The following OR6C75 variants were observed in gnomAD, a reference collection of about 807,000 sequenced individuals.
The protein encoded by OR6C75 is olfactory receptor family 6 subfamily C member 75.
For synonymous variants in OR6C75, 149 were observed against 130.6 expected (o/e 1.14, Z -0.96); for missense variants, 380 against 368.0 (o/e 1.03, Z -0.27).
Position 55,366,040 on chromosome 12 carries a change from A to C in OR6C75, c.930A>C (p.Leu310Phe). ...TGGTCCAGAAGATGATTTTTTCTTT[A>C]AATAAATGAATGTGATTATGTAAAA... is the stretch of plus-strand genomic sequence containing the variant. ...KSMVQKMIFS[L>F]NK The change falls in exon 3 of 3, where the codon TTA becomes TTC. Residue 310 changes from leucine to phenylalanine, a missense_variant. Transcript: ENST00000641576. 6.4e-7 allele frequency: 1 copy of C among 1,555,874 alleles called. No homozygotes were observed. Among genetic ancestry groups the C allele is most frequent in the Non-Finnish European group, 8.7e-7 (1 of 1,153,064 alleles).
Position 55,365,773 on chromosome 12 carries a change from G to A in OR6C75, c.663G>A (p.Arg221=). ...LVILSYTNII[R]TILKIPSMSQ... The stretch of plus-strand genomic sequence containing the variant: ...TTCTCTCCTACACAAACATCATCCG[G>A]ACAATTCTGAAAATTCCTTCTATGA... Residue 221 remains arginine, a synonymous_variant, in exon 3 of 3, where the codon CGG becomes CGA. Transcript: ENST00000641576. 6.2e-7 allele frequency: 1 copy of A among 1,613,834 alleles called. No homozygotes were observed. The highest frequency in any genetic ancestry group is 8.5e-7 in the Non-Finnish European group (1 of 1,179,966).
In OR6C75 at chr12:55,365,004, G is replaced by A. The variant is rs1424276622; in HGVS notation, c.-107G>A. 8 of 736,956 alleles carry A rather than the reference G, an allele frequency of 1.1e-5. No individual in the cohort carries two copies. The highest frequency in any genetic ancestry group is 3.9e-4 in the Middle Eastern group (1 of 2,540). The allele number at this position is 736,956 out of a possible 1,614,324, so 45.7% of individuals were successfully genotyped here. A position where few individuals can be genotyped will look rare whatever the true frequency, so the allele number is the denominator to read the frequency against. ...GAAGGCATTATGGTAAATGGAAAGA[G>A]CCAGACAGAAAAAAAATAATAATTT... is the stretch of plus-strand genomic sequence containing the variant. On this transcript the variant is annotated 5_prime_UTR_variant, in exon 3 of 3. Coordinates refer to ENST00000641576, the MANE Select transcript of OR6C75 (RefSeq NM_001005497.2).
At position 55,363,894 on chromosome 12, in the gene OR6C75, A is replaced by G. The variant is rs1019861139; in HGVS notation, c.-236+12A>G. On this transcript the variant is annotated intron_variant, in intron 2 of 2. Transcript: ENST00000641576. ...AATTGATTTATAAGGTAACAACAGA[A>G]TTTTTAAAATGTATTTGGTATCTAT... The G allele has an allele frequency of 1.2e-4, 19 of 152,026 alleles. No homozygotes were observed. The highest frequency in any genetic ancestry group is 4.6e-4 in the African/African-American group (19 of 41,408). 9.4% of individuals were successfully genotyped at this position (152,026 alleles called of 1,614,324 possible).
rs150672412 is a variant in OR6C75, at chr12:55,364,749, T to G, written c.-235-127T>G. The G allele has an allele frequency of 2.4e-3, 447 of 182,892 alleles. 1 individual carries two copies. The highest frequency in any genetic ancestry group is 0.021 in the Middle Eastern group (8 of 384). 11.3% of individuals were successfully genotyped at this position (182,892 alleles called of 1,614,324 possible). ...CTATCCATCACATCCCATAGTTACCTTCTTATATAATACATTACTAACTGT... is the reference window on the plus strand; with the variant it reads ...CTATCCATCACATCCCATAGTTACCGTCTTATATAATACATTACTAACTGT... On this transcript the variant is annotated intron_variant, in intron 2 of 2. Coordinates refer to ENST00000641576, the MANE Select transcript of OR6C75 (RefSeq NM_001005497.2).
chr12:55,368,018 A>T lies in OR6C75; in HGVS notation c.*1969A>T, dbSNP rs559244903. Reference sequence around the variant, plus strand: ...TAGTGAGACTCTGTCTACACAAAAAAATTTAAAAATTAGCTAAGCATGGTA... The same window carrying T: ...TAGTGAGACTCTGTCTACACAAAAATATTTAAAAATTAGCTAAGCATGGTA... On this transcript the variant is annotated 3_prime_UTR_variant, in exon 3 of 3. Coordinates refer to ENST00000641576, the MANE Select transcript of OR6C75 (RefSeq NM_001005497.2). The T allele has an allele frequency of 2.0e-5, 3 of 152,070 alleles. No homozygotes were observed. The highest frequency in any genetic ancestry group is 7.2e-5 in the African/African-American group (3 of 41,490). 9.4% of individuals were successfully genotyped at this position (152,070 alleles called of 1,614,324 possible). A position where few individuals can be genotyped will look rare whatever the true frequency, so the allele number is the denominator to read the frequency against.
At position 55,368,441 on chromosome 12, in the gene OR6C75, A is replaced by C. The variant is rs2120552796; in HGVS notation, c.*2392A>C. The C allele has an allele frequency of 6.6e-6, 1 of 152,298 alleles. No individual in the cohort carries two copies. Among genetic ancestry groups the C allele is most frequent in the South Asian group, 2.1e-4 (1 of 4,810 alleles). 9.4% of individuals were successfully genotyped at this position (152,298 alleles called of 1,614,324 possible). On this transcript the variant is annotated 3_prime_UTR_variant, in exon 3 of 3. Transcript: ENST00000641576. ...GGTGAAACCCCAATCTCTACAAAAA[A>C]TACAAAAATTAGCTGGTCACGCTGG...
rs1420343726 is a variant in OR6C75 at position 55,368,648 on chromosome 12, A to T, written c.*2599A>T. ...GTTATTTTAAAATTTCTAAAACAAG[A>T]AAAGAAAATTGGCTGTCTTGGGACA... On this transcript the variant is annotated 3_prime_UTR_variant, in exon 3 of 3. Transcript: ENST00000641576. The T allele has an allele frequency of 2.0e-5, 3 of 152,184 alleles. No individual in the cohort carries two copies. Among genetic ancestry groups the T allele is most frequent in the Non-Finnish European group, 4.4e-5 (3 of 68,032 alleles). 9.4% of individuals were successfully genotyped at this position (152,184 alleles called of 1,614,324 possible). A position where few individuals can be genotyped will look rare whatever the true frequency, so the allele number is the denominator to read the frequency against.
At position 55,367,596 on chromosome 12, in the gene OR6C75, A is replaced by G. The variant is rs1467019871; in HGVS notation, c.*1547A>G. ...TTCTTCCTGAGAACTGGAACAAGAC[A>G]AGGATGTCCCCTCTCAGCACTCCTA... is the stretch of plus-strand genomic sequence containing the variant. On this transcript the variant is annotated 3_prime_UTR_variant, in exon 3 of 3. Transcript: ENST00000641576. The G allele has an allele frequency of 6.6e-6, 1 of 152,208 alleles. No homozygotes were observed. The highest frequency in any genetic ancestry group is 1.5e-5 in the Non-Finnish European group (1 of 68,042). 9.4% of individuals were successfully genotyped at this position (152,208 alleles called of 1,614,324 possible).
intron 1 of OR6C75, among the ~76,000 whole-genome samples, 194 bp downstream of exon 1, chr12:55,363,243 AC>A (rs1436612699): frequency 2.6e-5 from 4 of 152,168 alleles, no homozygotes; most frequent in African/African-American, 9.6e-5. Context: ...GAAAAATCCA[AC>A]AGCATTTATG....
chr12:55,364,162 G>T (rs1044687040), intron 2 of OR6C75, among the ~76,000 whole-genome samples: 1 of 150,840 alleles, frequency 6.6e-6, no homozygotes, highest in African/African-American at 2.4e-5. Context: ...TGTATTTTTA[G>T]TAGAGACGGG....
Position 55,367,953 on chromosome 12 carries a change from A to T in OR6C75, c.*1904A>T, listed in dbSNP as rs1242463629. Reference sequence around the variant, plus strand: ...CACTTTGGGAGGCCAAGCGGGGAGGATTGCTTGAGCCCAGAAGTTTAAGAC... The same window carrying T: ...CACTTTGGGAGGCCAAGCGGGGAGGTTTGCTTGAGCCCAGAAGTTTAAGAC... On this transcript the variant is annotated 3_prime_UTR_variant, in exon 3 of 3. Coordinates refer to ENST00000641576, the MANE Select transcript of OR6C75 (RefSeq NM_001005497.2). The T allele has an allele frequency of 6.6e-6, 1 of 152,098 alleles. No individual in the cohort carries two copies. The highest frequency in any genetic ancestry group is 2.4e-5 in the African/African-American group (1 of 41,402). 9.4% of individuals were successfully genotyped at this position (152,098 alleles called of 1,614,324 possible).
At chr12:55,363,633 TC>T (rs1261521060) in intron 1 of OR6C75, among the ~76,000 whole-genome samples, 159 bp from the exon 2 acceptor site, 1 of 151,730 alleles carries the variant, frequency 6.6e-6, no homozygotes, top group Non-Finnish European at 1.5e-5. Context: ...AGCATATCTT[TC>T]TCCACCCTCA....
chr12:55,365,924 G>A lies in OR6C75; in HGVS notation c.814G>A (p.Val272Ile). 1.2e-6 allele frequency: 2 copies of A among 1,613,588 alleles called. No homozygotes were observed. The highest frequency in any genetic ancestry group is 1.7e-6 in the Non-Finnish European group (2 of 1,179,574). ...ARERVTLSKG[V>I]AVLNTSVAPL... ...AGAAAGGGTGACTTTAAGCAAAGGA[G>A]TAGCTGTGCTCAATACCTCAGTGGC... Residue 272 changes from valine (V) to isoleucine (I), a missense_variant, in exon 3 of 3, where the codon GTA (valine) becomes ATA (isoleucine). Physicochemically the swap from Val to Ile is conservative, Grantham distance 29. Coordinates refer to ENST00000641576, the MANE Select transcript of OR6C75 (RefSeq NM_001005497.2).
At chr12:55,364,772 T>A (rs1246127100) in intron 2 of OR6C75, 104 bp from the exon 3 acceptor site, 4 of 208,400 alleles carry the variant, frequency 1.9e-5, no homozygotes, top group East Asian at 1.3e-4. Context: ...CATTACTAAC[T>A]GTAGCCTTTG....
Position 55,365,657 on chromosome 12 carries a change from C to T in OR6C75, c.547C>T (p.Leu183=). The change falls in exon 3 of 3, where the codon CTG becomes TTG. Residue 183 remains leucine (L), a synonymous_variant. Coordinates refer to ENST00000641576, the MANE Select transcript of OR6C75 (RefSeq NM_001005497.2). ...DHFICDSSPM[L]QLSCTNTHFL... is the part of the protein sequence containing the mutation. ...TTTTATCTGTGACTCTTCTCCAATGCTGCAGCTCTCTTGCACAAACACTCA... is the reference window on the plus strand; with the variant it reads ...TTTTATCTGTGACTCTTCTCCAATGTTGCAGCTCTCTTGCACAAACACTCA... 1.2e-6 allele frequency: 2 copies of T among 1,614,100 alleles called. No homozygotes were observed. The highest frequency in any genetic ancestry group is 1.7e-6 in the Non-Finnish European group (2 of 1,180,002).
At position 55,365,690 on chromosome 12, in the gene OR6C75, G is replaced by C. The variant is rs762551238; in HGVS notation, c.580G>C (p.Glu194Gln). ...QLSCTNTHFLELMAFFLAVVT... is the reference protein window; with the variant it reads ...QLSCTNTHFLQLMAFFLAVVT... ...CTCTTGCACAAACACTCACTTTCTA[G>C]AACTCATGGCATTTTTTTTAGCTGT... is the stretch of plus-strand genomic sequence containing the variant. Residue 194 changes from glutamate (E) to glutamine (Q), a missense_variant, in exon 3 of 3, where the codon GAA becomes CAA. By Grantham distance (29) the Glu-to-Gln change is conservative. Transcript: ENST00000641576. The C allele has an allele frequency of 1.9e-6, 3 of 1,613,934 alleles. No individual in the cohort carries two copies. The Admixed American group carries it at 5.0e-5, about 27-fold the overall frequency.
At position 55,366,147 on chromosome 12, in the gene OR6C75, C is replaced by A; in HGVS notation, c.*98C>A. The A allele has an allele frequency of 2.9e-6, 2 of 692,692 alleles. No individual in the cohort carries two copies. Among genetic ancestry groups the A allele is most frequent in the Non-Finnish European group, 4.7e-6 (2 of 425,726 alleles). 42.9% of individuals were successfully genotyped at this position (692,692 alleles called of 1,614,324 possible). A position where few individuals can be genotyped will look rare whatever the true frequency, so the allele number is the denominator to read the frequency against. On this transcript the variant is annotated 3_prime_UTR_variant, in exon 3 of 3. Coordinates refer to ENST00000641576, the MANE Select transcript of OR6C75 (RefSeq NM_001005497.2). ...CTCTTTCTAAACACCTTATTTCACA[C>A]TTTTAGTTAGACATAGTTACATATC...
At chr12:55,363,764 A>C (rs1869722763) in intron 1 of OR6C75, 29 bp from the exon 2 acceptor site, 1 of 152,116 alleles carries the variant, frequency 6.6e-6, no homozygotes, top group Non-Finnish European at 1.5e-5. Flanking sequence ...TAATCTCAGA[A>C]GTTTTAATTT....
chr12:55,366,038 TTAAA>T lies in OR6C75; in HGVS notation c.934_937del (p.Lys312GlufsTer28). The T allele has an allele frequency of 6.4e-7, 1 of 1,559,862 alleles. No individual in the cohort carries two copies. The highest frequency in any genetic ancestry group is 8.7e-7 in the Non-Finnish European group (1 of 1,155,256). On this transcript the variant is annotated frameshift_variant, in exon 3 of 3. Transcript: ENST00000641576. LOFTEE classifies it high-confidence loss of function. The stretch of plus-strand genomic sequence containing the variant: ...CATGGTCCAGAAGATGATTTTTTCT[TTAAA>T]TAAATGAATGTGATTATGTAAAAAA...
Sources: gnomAD v4.1 joint callset for allele counts (sites outside exome capture counted in the v4.1 genomes callset) on GRCh38, gnomAD v4.1.1 for gene constraint, MANE v1.5 for transcripts, NCBI Gene and HGNC (gene_info 2026-07-23, HGNC 2026-07-21) for gene names.